The following KCNN3 variants were observed in gnomAD, a reference collection of about 807,000 sequenced individuals.
KCNN3 encodes the protein potassium calcium-activated channel subfamily N member 3, also known as small conductance calcium-activated potassium channel protein 3.
KCNN3 carries 16 observed loss-of-function variants against 62.9 expected under a neutral mutation model. The observed-to-expected ratio is 0.25, with a 90% CI of 0.17 to 0.39. KCNN3 has a LOEUF of 0.39. Ranked by LOEUF, KCNN3 falls within the 10% of genes least tolerant of loss-of-function variation. The pLI, the probability that KCNN3 is intolerant of heterozygous loss-of-function variation, is 1.00. For missense variants in KCNN3, 599 were observed against 949.4 expected (o/e 0.63, Z 4.85); for synonymous variants, 370 against 389.2 (o/e 0.95, Z 0.58).
At chr1:154,775,610 G>T (rs1375192898) in intron 2 of KCNN3, among the ~76,000 whole-genome samples, 6 of 111,738 alleles carry the variant, frequency 5.4e-5, no homozygotes, top group Non-Finnish European at 6.5e-5. Context: ...GAAACTACAG[G>T]GCACTATGGG....
intron 1 of KCNN3, among the ~76,000 whole-genome samples, chr1:154,854,523 C>T (rs543510791): frequency 8.3e-4 from 127 of 152,270 alleles, no homozygotes; most frequent in Non-Finnish European, 5.0e-4. Flanking sequence ...TTATCACCAT[C>T]GAACATAATA....
intron 4 of KCNN3, among the ~76,000 whole-genome samples, chr1:154,729,205 C>G (rs1700538906): frequency 6.6e-6 from 1 of 152,088 alleles, no homozygotes; most frequent in Non-Finnish European, 1.5e-5. Flanking sequence ...CTATGACTTC[C>G]CTGGGGTCAG....
Position 154,701,628 on chromosome 1 carries a change from C to A in KCNN3, c.*6348G>T, listed in dbSNP as rs1699854559. On this transcript the variant is annotated 3_prime_UTR_variant, in exon 8 of 8. Transcript: ENST00000271915. ...TAGAGGAAGCTAGCAGAAAAGGCAG[C>A]CCGGCTCTTTGCTGGCTCTGGCTGT... 6.6e-6 allele frequency: 1 copy of A among 152,242 alleles called. No homozygotes were observed. Among genetic ancestry groups the A allele is most frequent in the South Asian group, 2.1e-4 (1 of 4,836 alleles). The allele number at this position is 152,242 out of a possible 1,614,324, so 9.4% of individuals were successfully genotyped here. A position where few individuals can be genotyped will look rare whatever the true frequency, so the allele number is the denominator to read the frequency against.
intron 3 of KCNN3, among the ~76,000 whole-genome samples, chr1:154,760,896 C>G (rs1443317905): frequency 6.6e-6 from 1 of 152,200 alleles, no homozygotes; most frequent in Non-Finnish European, 1.5e-5. Context: ...CCCCGCGGCC[C>G]TGTCCACCAA....
rs1298416471 is a variant in KCNN3 at position 154,699,262 on chromosome 1, T to C, written c.*8714A>G. 6.6e-6 allele frequency: 1 copy of C among 151,414 alleles called. No homozygotes were observed. The highest frequency in any genetic ancestry group is 6.6e-5 in the Admixed American group (1 of 15,194). The allele number at this position is 151,414 out of a possible 1,614,324, so 9.4% of individuals were successfully genotyped here. Reference sequence around the variant, plus strand: ...ACAAAAAATACATCAATGTTCCGAATAGAACCTCTCTATGTAAAGGTCTCA... The same window carrying C: ...ACAAAAAATACATCAATGTTCCGAACAGAACCTCTCTATGTAAAGGTCTCA... On this transcript the variant is annotated 3_prime_UTR_variant, in exon 8 of 8. Coordinates refer to ENST00000271915, the MANE Select transcript of KCNN3 (RefSeq NM_002249.6).
intron 3 of KCNN3, among the ~76,000 whole-genome samples, chr1:154,744,399 C>T (rs927682969): frequency 1.1e-4 from 16 of 152,324 alleles, no homozygotes; most frequent in African/African-American, 3.8e-4. Flanking sequence ...GGGACTGAAA[C>T]CTGTATTTTT....
chr1:154,844,019 C>A (rs1651941070), intron 1 of KCNN3, among the ~76,000 whole-genome samples: 1 of 152,182 alleles, frequency 6.6e-6, no homozygotes, highest in Admixed American at 6.5e-5. Context: ...AGACACCAGG[C>A]CAGCAGGGGA....
chr1:154,840,369 C>T (rs754316202), intron 1 of KCNN3, among the ~76,000 whole-genome samples: 2 of 152,056 alleles, frequency 1.3e-5, no homozygotes, highest in Non-Finnish European at 2.9e-5. Context: ...GAAAAAGCGG[C>T]GTGTGAGATC....
chr1:154,813,811 C>A (rs932807747), intron 2 of KCNN3, among the ~76,000 whole-genome samples: 3 of 152,188 alleles, frequency 2.0e-5, no homozygotes, highest in Non-Finnish European at 4.4e-5. Flanking sequence ...GCTGCCACCA[C>A]GAGCACACCC....
chr1:154,716,615 A>C (rs1700238404), intron 5 of KCNN3, among the ~76,000 whole-genome samples: 1 of 152,260 alleles, frequency 6.6e-6, no homozygotes, highest in Non-Finnish European at 1.5e-5. Context: ...AGAACAGCTA[A>C]GTCTTCTCAG....
Position 154,835,377 on chromosome 1 carries a change from G to A in KCNN3, c.934-13193C>T, listed in dbSNP as rs559035410. ...TATATATGTAGTATTTGCTGCCAAA[G>A]GGTCTGAGAGAATTGGGGCCCCCTT... is the stretch of plus-strand genomic sequence containing the variant. On this transcript the variant is annotated intron_variant, in intron 1 of 7. Transcript: ENST00000271915. Among the ~76,000 whole-genome samples the A allele has an allele frequency of 2.0e-5, 3 of 152,286 alleles. No homozygotes were observed. In the East Asian group the frequency reaches 5.8e-4, roughly 29 times the overall value.
intron 1 of KCNN3, among the ~76,000 whole-genome samples, chr1:154,851,757 T>C (rs1652307890): frequency 6.6e-6 from 1 of 152,202 alleles, no homozygotes; most frequent in South Asian, 2.1e-4. Context: ...CCCCACAGCC[T>C]CTCAGCGGGG....
intron 4 of KCNN3, among the ~76,000 whole-genome samples, chr1:154,728,371 T>G (rs1487446204): frequency 6.6e-6 from 1 of 152,224 alleles, no homozygotes; most frequent in Non-Finnish European, 1.5e-5. Context: ...TCTTAACCCT[T>G]AATTCCAACT....
Position 154,704,503 on chromosome 1 carries a change from A to G in KCNN3, c.*3473T>C, listed in dbSNP as rs1450991513. ...TATGTCCTGAAATTCCACTGAGATT[A>G]GTGGTCTTAAAGTATCACAGTACAT... On this transcript the variant is annotated 3_prime_UTR_variant, in exon 8 of 8. Coordinates refer to ENST00000271915, the MANE Select transcript of KCNN3 (RefSeq NM_002249.6). 6.6e-6 allele frequency: 1 copy of G among 152,058 alleles called. No individual in the cohort carries two copies. Among genetic ancestry groups the G allele is most frequent in the Non-Finnish European group, 1.5e-5 (1 of 67,986 alleles). 9.4% of individuals were successfully genotyped at this position (152,058 alleles called of 1,614,324 possible). A position where few individuals can be genotyped will look rare whatever the true frequency, so the allele number is the denominator to read the frequency against.
At chr1:154,767,610 T>A (rs567680525) in intron 3 of KCNN3, among the ~76,000 whole-genome samples, 7 of 152,352 alleles carry the variant, frequency 4.6e-5, no homozygotes, top group African/African-American at 1.7e-4. Context: ...GGGCCTCAGA[T>A]GGTCTCTCCA....
chr1:154,820,668 G>A (rs1650854199), intron 2 of KCNN3, among the ~76,000 whole-genome samples: 1 of 152,190 alleles, frequency 6.6e-6, no homozygotes, highest in Non-Finnish European at 1.5e-5. Context: ...ACTGGACAAT[G>A]GTCTGAGTTA....
Position 154,869,726 on chromosome 1 carries a change from T to G in KCNN3, c.239A>C (p.Gln80Pro), listed in dbSNP as rs572995536. Residue 80 changes from glutamine to proline, a missense_variant, in exon 1 of 8, where the codon CAG becomes CCG. This residue lies in a region of KCNN3 where 7 missense variants were observed against 32.0 expected (regional missense o/e 0.22). Transcript: ENST00000271915. This position sits in a 1 kb window ranked among gnomAD's most constrained non-coding sequence, Gnocchi z 6.1. ...QQQQQQQQQQ[Q>P]PPHPLSQLAQ... ...GAGCTGAGACAGGGGATGCGGTGGCTGCTGCTGCTGCTGCTGCTGCTGCTG... is the reference window on the plus strand; with the variant it reads ...GAGCTGAGACAGGGGATGCGGTGGCGGCTGCTGCTGCTGCTGCTGCTGCTG... 2 of 1,321,506 alleles carry G rather than the reference T, an allele frequency of 1.5e-6. No homozygotes were observed. Among genetic ancestry groups the G allele is most frequent in the East Asian group, 2.6e-5 (1 of 38,768 alleles). The allele number at this position is 1,321,506 out of a possible 1,614,324, so 81.9% of individuals were successfully genotyped here.
intron 2 of KCNN3, among the ~76,000 whole-genome samples, chr1:154,802,590 A>G (rs1269412770): frequency 6.6e-6 from 1 of 152,162 alleles, no homozygotes. Context: ...TGAACAGAGG[A>G]TGACCTACTC....
At chr1:154,832,006 C>G (rs147227526) in intron 1 of KCNN3, among the ~76,000 whole-genome samples, 4,845 of 152,086 alleles carry the variant, frequency 0.032, 126 homozygotes, top group Non-Finnish European at 0.05. Context: ...AACTTTAGAA[C>G]CCAGGTGTTG....
Sources: gnomAD v4.1 joint callset for allele counts (sites outside exome capture counted in the v4.1 genomes callset) on GRCh38, gnomAD v4.1.1 for gene constraint, gnomAD v4.1.1 regional missense constraint, Gnocchi (gnomAD v3.1) non-coding constraint, MANE v1.5 for transcripts, NCBI Gene and HGNC (gene_info 2026-07-23, HGNC 2026-07-21) for gene names.